The following ZNF624 variants were observed in gnomAD, a reference collection of about 807,000 sequenced individuals.
ZNF624 encodes the protein zinc finger protein 624.
ZNF624 carries 43 observed loss-of-function variants against 74.7 expected under a neutral mutation model. The ratio of observed to expected loss-of-function variants is 0.58; its 90% CI spans 0.45 to 0.74. The LOEUF is 0.74. ZNF624 is among the 30% of genes least tolerant of loss of function. ZNF624 has a pLI of 0.00. For synonymous variants in ZNF624, 331 were observed against 341.3 expected (o/e 0.97, Z 0.33); for missense variants, 820 against 1,030.0 (o/e 0.80, Z 2.79).
At chr17:16,638,631 A>C (rs1909393645) in intron 3 of ZNF624, among the ~76,000 whole-genome samples, 1 of 152,120 alleles carries the variant, frequency 6.6e-6, no homozygotes, top group African/African-American at 2.4e-5. Flanking sequence ...CAAACACTGA[A>C]TGTTCTCACT....
intron 3 of ZNF624, among the ~76,000 whole-genome samples, chr17:16,636,587 A>G (rs1365304424): frequency 1.3e-5 from 2 of 152,216 alleles, no homozygotes; most frequent in Non-Finnish European, 2.9e-5. Context: ...CTGTAATCCC[A>G]GCACTTTAGG....
At chr17:16,614,800 T>C in the ZNF624 span, among the ~76,000 whole-genome samples, 1 of 152,142 alleles carries the variant, frequency 6.6e-6, no homozygotes, top group East Asian at 1.9e-4. Context: ...ATACAAAATT[T>C]TGACAAATTT....
Position 16,623,558 on chromosome 17 carries a change from G to A in ZNF624, c.1328C>T (p.Pro443Leu). ...VHQKTHTEEK[P>L]YQCNECGKSF... ...CTTCCCACACTCGTTGCACTGATAT[G>A]GTTTCTCTTCAGTGTGGGTCTTCTG... Residue 443 changes from proline (P) to leucine (L), a missense_variant, in exon 6 of 6, where the codon CCA becomes CTA. Coordinates refer to ENST00000311331, the MANE Select transcript of ZNF624 (RefSeq NM_020787.4). This position sits in a 1 kb window ranked among gnomAD's most constrained non-coding sequence, Gnocchi z 5.3. 1 of 1,610,292 alleles carries A rather than the reference G, an allele frequency of 6.2e-7. No homozygotes were observed. The highest frequency in any genetic ancestry group is 8.5e-7 in the Non-Finnish European group (1 of 1,178,842).
intron 4 of ZNF624, 23 bp downstream of exon 4, chr17:16,634,607 C>T: frequency 6.2e-7 from 1 of 1,607,286 alleles, no homozygotes; most frequent in East Asian, 2.2e-5. Context: ...GATCAATCAA[C>T]ACAGAAGAGA....
intron 5 of ZNF624, among the ~76,000 whole-genome samples, chr17:16,632,761 A>T (rs190924145): frequency 6.6e-6 from 1 of 152,222 alleles, no homozygotes; most frequent in East Asian, 1.9e-4. Context: ...AATCTCTATA[A>T]ACAGGGTTAT....
intron 3 of ZNF624, among the ~76,000 whole-genome samples, chr17:16,645,623 G>A (rs1424486980): frequency 4.2e-5 from 6 of 141,726 alleles, no homozygotes; most frequent in East Asian, 4.0e-4. Flanking sequence ...TCTTTTAAAG[G>A]ACTACGCTAC....
chr17:16,636,240 G>C, intron 3 of ZNF624, among the ~76,000 whole-genome samples: 1 of 152,166 alleles, frequency 6.6e-6, no homozygotes, highest in South Asian at 2.1e-4. Context: ...CCTGGAAACT[G>C]GTAAGTAAAG....
In ZNF624 at chr17:16,622,205, TGAA is replaced by T; in HGVS notation, c.*80_*82del. On this transcript the variant is annotated 3_prime_UTR_variant, in exon 6 of 6. Transcript: ENST00000311331. Reference sequence around the variant, plus strand: ...TGTATACTTTCTGATAAATTCCTAATGAAGATTTTCCTATATTCATAAAATATA... The same window carrying T: ...TGTATACTTTCTGATAAATTCCTAATGATTTTCCTATATTCATAAAATATA... 1.8e-6 allele frequency: 2 copies of T among 1,082,346 alleles called. No individual in the cohort carries two copies. Among genetic ancestry groups the T allele is most frequent in the South Asian group, 2.2e-5 (1 of 45,626 alleles). The allele number at this position is 1,082,346 out of a possible 1,614,324, so 67.0% of individuals were successfully genotyped here. A position where few individuals can be genotyped will look rare whatever the true frequency, so the allele number is the denominator to read the frequency against.
downstream of ZNF624, chr17:16,620,728 C>A (rs780395746): frequency 3.3e-5 from 5 of 151,962 alleles, no homozygotes; most frequent in Non-Finnish European, 7.4e-5. Context: ...AAATAAAACG[C>A]ACAACGAAAA....
intron 3 of ZNF624, among the ~76,000 whole-genome samples, chr17:16,645,607 A>G (rs1909570062): frequency 6.8e-6 from 1 of 147,164 alleles, no homozygotes; most frequent in Admixed American, 6.9e-5. Flanking sequence ...TAGCACTGAA[A>G]TTTCTTCTTT....
At chr17:16,628,173 G>C (rs903339527) in intron 5 of ZNF624, among the ~76,000 whole-genome samples, 5 of 152,270 alleles carry the variant, frequency 3.3e-5, no homozygotes, top group Admixed American at 3.3e-4. Context: ...TGAAGCAGGA[G>C]AATCACTTGA....
At chr17:16,652,589 C>A (rs1909752575) in intron 1 of ZNF624, among the ~76,000 whole-genome samples, 1 of 152,094 alleles carries the variant, frequency 6.6e-6, no homozygotes, top group Non-Finnish European at 1.5e-5. Flanking sequence ...TTAGAATAAA[C>A]AATATTTAAC....
downstream of ZNF624, among the ~76,000 whole-genome samples, chr17:16,615,956 C>CATATATATATATATATATATATAT (rs56321425): frequency 1.1e-5 from 1 of 90,308 alleles, no homozygotes; most frequent in African/African-American, 3.8e-5. Flanking sequence ...ATTCCATATA[C>CATATATATATATATATATATATAT]ATATATATAT....
downstream of ZNF624, chr17:16,620,721 T>A (rs1908888357): frequency 6.6e-6 from 1 of 152,108 alleles, no homozygotes; most frequent in African/African-American, 2.4e-5. Flanking sequence ...GTCCAATAAA[T>A]AAAACGCACA....
At chr17:16,650,121 T>C (rs1909686567) in intron 1 of ZNF624, among the ~76,000 whole-genome samples, 1 of 152,152 alleles carries the variant, frequency 6.6e-6, no homozygotes, top group South Asian at 2.1e-4. Flanking sequence ...CCCATACCTT[T>C]TCCACTGAAT....
intron 5 of ZNF624, among the ~76,000 whole-genome samples, chr17:16,626,905 A>C (rs1909085884): frequency 6.6e-6 from 1 of 150,728 alleles, no homozygotes; most frequent in Non-Finnish European, 1.5e-5. Flanking sequence ...AAACACAAAA[A>C]TTAGCTGGGT....
intron 3 of ZNF624, among the ~76,000 whole-genome samples, chr17:16,637,894 G>A (rs1454611268): frequency 6.6e-6 from 1 of 152,050 alleles, no homozygotes; most frequent in Non-Finnish European, 1.5e-5. Context: ...AAGAGCTTCT[G>A]CACAGCAAAA....
intron 1 of ZNF624, among the ~76,000 whole-genome samples, chr17:16,653,296 C>A (rs959335394): frequency 6.6e-6 from 1 of 150,932 alleles, no homozygotes; most frequent in African/African-American, 2.4e-5. Context: ...TCCATCCCTG[C>A]CAGTTCAGAA....
At chr17:16,649,817 T>C (rs1909678412) in intron 1 of ZNF624, 71 bp from the exon 2 acceptor site, 9 of 1,271,070 alleles carry the variant, frequency 7.1e-6, no homozygotes, top group Non-Finnish European at 8.0e-6. Context: ...GTTGGAATCC[T>C]GACATACAAG....
Sources: gnomAD v4.1 joint callset for allele counts (sites outside exome capture counted in the v4.1 genomes callset) on GRCh38, gnomAD v4.1.1 for gene constraint, Gnocchi (gnomAD v3.1) non-coding constraint, MANE v1.5 for transcripts, NCBI Gene and HGNC (gene_info 2026-07-23, HGNC 2026-07-21) for gene names.